Variants in GATB observed in about 807,000 individuals in gnomAD.
GATB encodes glutamyl-tRNA(Gln) amidotransferase subunit B, mitochondrial.
GATB carries 39 observed loss-of-function variants against 62.3 expected under a neutral mutation model. That is an observed-to-expected ratio of 0.63 (90% confidence interval 0.48 to 0.82). The LOEUF (loss-of-function observed/expected upper bound fraction) is 0.82. Ranked by LOEUF, GATB falls within the 40% of genes least tolerant of loss-of-function variation. The probability of loss-of-function intolerance (pLI) is 0.00; values close to 1 mark genes in which losing one functional copy is unlikely to be tolerated. For missense variants in GATB, 670 were observed against 684.0 expected (o/e 0.98, Z 0.23); for synonymous variants, 276 against 258.9 (o/e 1.07, Z -0.63).
intron 11 of GATB, chr4:151,674,498 AC>A (rs1737953902): frequency 6.6e-6 from 1 of 152,246 alleles, no homozygotes. Context: ...ATAAGGAAAT[AC>A]AGGAGAGATC....
intron 2 of GATB, among the ~76,000 whole-genome samples, chr4:151,740,776 A>C (rs1315936664): frequency 6.6e-6 from 1 of 152,218 alleles, no homozygotes; most frequent in Non-Finnish European, 1.5e-5. Flanking sequence ...CTGTCCATGG[A>C]AGAAAAATGA....
chr4:151,717,759 C>A (rs919757058), intron 3 of GATB, among the ~76,000 whole-genome samples: 1 of 152,180 alleles, frequency 6.6e-6, no homozygotes, highest in African/African-American at 2.4e-5. Flanking sequence ...CGCACAGAGG[C>A]ACCAATACGC....
intron 6 of GATB, among the ~76,000 whole-genome samples, chr4:151,706,722 T>C (rs1014663889): frequency 2.0e-5 from 3 of 152,230 alleles, no homozygotes; most frequent in East Asian, 1.9e-4. Flanking sequence ...AATACAAGAC[T>C]AGAATCATCT....
intron 2 of GATB, among the ~76,000 whole-genome samples, chr4:151,758,502 T>C (rs1299345292): frequency 6.6e-6 from 1 of 152,232 alleles, no homozygotes; most frequent in African/African-American, 2.4e-5. Flanking sequence ...ATCATCTTTA[T>C]GACCCAGCTC....
At chr4:151,697,973 A>ATATATGTG (rs1421542618) in intron 9 of GATB, among the ~76,000 whole-genome samples, 1 of 100,468 alleles carries the variant, frequency 1.0e-5, no homozygotes, top group African/African-American at 4.4e-5. Flanking sequence ...ATATATATAT[A>ATATATGTG]TATATATATA....
intron 2 of GATB, among the ~76,000 whole-genome samples, chr4:151,729,158 GA>G (rs1166414390): frequency 2.6e-5 from 4 of 152,138 alleles, no homozygotes; most frequent in Non-Finnish European, 5.9e-5. Flanking sequence ...GTTCGTAAGA[GA>G]AAGAAAGAAA....
chr4:151,760,865 T>G lies in GATB; in HGVS notation c.118A>C (p.Arg40=), dbSNP rs1739940619. ...APTGSTSNQI[R]GESSVAQQPL... ...TGCTGAGCCACTGAGCTCTCTCCCCTAATCTGGTTGGATGTGGACCCAGTC... is the reference window on the plus strand; with the variant it reads ...TGCTGAGCCACTGAGCTCTCTCCCCGAATCTGGTTGGATGTGGACCCAGTC... Residue 40 remains arginine (R), a synonymous_variant, in exon 1 of 13, where the codon AGG becomes CGG. Transcript: ENST00000263985. The G allele has an allele frequency of 6.2e-7, 1 of 1,613,864 alleles. No homozygotes were observed. The highest frequency in any genetic ancestry group is 1.7e-5 in the Admixed American group (1 of 59,984).
intron 12 of GATB, chr4:151,672,476 G>A: frequency 8.3e-6 from 3 of 363,452 alleles, no homozygotes; most frequent in Non-Finnish European, 1.5e-5. Flanking sequence ...GGAGGTCACA[G>A]CTTGGATTTC....
At chr4:151,676,296 A>G (rs1213077588) in intron 11 of GATB, 9 of 152,222 alleles carry the variant, frequency 5.9e-5, no homozygotes. Context: ...GCAGACCACA[A>G]AGTAGACAAG....
intron 2 of GATB, chr4:151,724,427 A>G (rs1739090459): frequency 6.6e-6 from 1 of 152,168 alleles, no homozygotes; most frequent in Non-Finnish European, 1.5e-5. Flanking sequence ...TTTGAAGGAT[A>G]AATCTGTTCA....
At chr4:151,709,276 C>T (rs1370018030) in intron 5 of GATB, among the ~76,000 whole-genome samples, 1 of 152,148 alleles carries the variant, frequency 6.6e-6, no homozygotes, top group Non-Finnish European at 1.5e-5. Context: ...CGCCGGCGGC[C>T]CGTGGCTGAC....
At chr4:151,708,165 A>T (rs1738751950) in intron 5 of GATB, 64 bp from the exon 6 acceptor site, 2 of 1,096,708 alleles carry the variant, frequency 1.8e-6, no homozygotes, top group Non-Finnish European at 2.8e-6. Context: ...TTTTAAAGGC[A>T]GGGAGTGTCA....
chr4:151,702,669 G>A (rs768466162), intron 8 of GATB, among the ~76,000 whole-genome samples: 2 of 152,188 alleles, frequency 1.3e-5, no homozygotes, highest in Non-Finnish European at 2.9e-5. Flanking sequence ...TCTAAAAAAT[G>A]AAGGGAATTA....
At chr4:151,744,691 T>C (rs561582384) in intron 2 of GATB, among the ~76,000 whole-genome samples, 1 of 152,240 alleles carries the variant, frequency 6.6e-6, no homozygotes, top group South Asian at 2.1e-4. Context: ...AAGTGAAAAT[T>C]GCTGTGAAGA....
intron 6 of GATB, among the ~76,000 whole-genome samples, chr4:151,706,820 G>A (rs1324542429): frequency 6.6e-6 from 1 of 152,178 alleles, no homozygotes; most frequent in African/African-American, 2.4e-5. Flanking sequence ...AACAGATTCA[G>A]TTGTCTTGGT....
intron 10 of GATB, among the ~76,000 whole-genome samples, chr4:151,681,219 C>A (rs906806515): frequency 1.3e-5 from 2 of 152,222 alleles, no homozygotes. Context: ...TACTCTAATT[C>A]AAGTGCAGTG....
At chr4:151,697,824 T>C (rs957807234) in intron 9 of GATB, among the ~76,000 whole-genome samples, 1 of 148,790 alleles carries the variant, frequency 6.7e-6, no homozygotes, top group African/African-American at 2.5e-5. Flanking sequence ...GGCGTGAACC[T>C]GGGAGGCGGA....
intron 2 of GATB, among the ~76,000 whole-genome samples, chr4:151,740,903 A>C (rs1739471632): frequency 1.3e-5 from 2 of 152,150 alleles, no homozygotes; most frequent in Non-Finnish European, 2.9e-5. Flanking sequence ...AGTGTCACAG[A>C]ACACTGTTAG....
intron 9 of GATB, among the ~76,000 whole-genome samples, chr4:151,693,362 TC>T (rs1738405059): frequency 6.6e-6 from 1 of 152,144 alleles, no homozygotes; most frequent in South Asian, 2.1e-4. Context: ...CTTCTGCTTT[TC>T]ACAGAAACAA....
Sources: gnomAD v4.1 joint callset for allele counts (sites outside exome capture counted in the v4.1 genomes callset) on GRCh38, gnomAD v4.1.1 for gene constraint, MANE v1.5 for transcripts, NCBI Gene and HGNC (gene_info 2026-07-23, HGNC 2026-07-21) for gene names.